Variants in SLC16A12 observed in about 807,000 individuals in gnomAD.
The protein encoded by SLC16A12 is monocarboxylate transporter 12.
SLC16A12 carries 17 observed loss-of-function variants against 42.4 expected under a neutral mutation model. The observed-to-expected ratio is 0.40, with a 90% CI of 0.27 to 0.60. The LOEUF is 0.60. Among genes scored for constraint, SLC16A12 ranks in the 20% least tolerant of loss-of-function variants. SLC16A12 has a pLI of 0.42. For synonymous variants in SLC16A12, 224 were observed against 229.4 expected (o/e 0.98, Z 0.21); for missense variants, 544 against 623.0 (o/e 0.87, Z 1.35).
chr10:89,460,431 G>T (rs1207036065), intron 3 of SLC16A12, among the ~76,000 whole-genome samples: 14 of 151,924 alleles, frequency 9.2e-5, no homozygotes, highest in African/African-American at 3.4e-4. Context: ...GTCTTCTTAA[G>T]AATCATACTT....
chr10:89,484,807 T>G (rs1842722288), intron 2 of SLC16A12, among the ~76,000 whole-genome samples: 1 of 152,196 alleles, frequency 6.6e-6, no homozygotes, highest in Non-Finnish European at 1.5e-5. Flanking sequence ...ACTAGGTACT[T>G]AATGGAGTAT....
intron 2 of SLC16A12, among the ~76,000 whole-genome samples, chr10:89,555,698 C>T (rs901245910): frequency 1.8e-4 from 22 of 124,600 alleles, no homozygotes; most frequent in East Asian, 7.1e-4. Flanking sequence ...CACATATATA[C>T]ATATATATAT....
chr10:89,439,287 C>A lies in SLC16A12; in HGVS notation c.449-104G>T, dbSNP rs1408679201. 3 of 1,210,362 alleles carry A rather than the reference C, an allele frequency of 2.5e-6. No homozygotes were observed. The South Asian group carries it at 4.2e-5, about 17-fold the overall frequency. 75.0% of individuals were successfully genotyped at this position (1,210,362 alleles called of 1,614,324 possible). ...AAAGAGAATCTGACCTCTCATTAAA[C>A]CCTTTTAAAGCTGCTTTTTACACCA... On this transcript the variant is annotated intron_variant, in intron 5 of 7. Transcript: ENST00000371790.
At chr10:89,456,253 G>A (rs991713630) in intron 3 of SLC16A12, 1 of 152,202 alleles carries the variant, frequency 6.6e-6, no homozygotes, top group Non-Finnish European at 1.5e-5. Flanking sequence ...CACAATGTAA[G>A]TGCTCAGTTA....
At chr10:89,457,171 A>G (rs998424913) in intron 3 of SLC16A12, among the ~76,000 whole-genome samples, 9 of 152,246 alleles carry the variant, frequency 5.9e-5, no homozygotes, top group African/African-American at 2.2e-4. Flanking sequence ...AAAAGAAACT[A>G]TCATCAGAGT....
chr10:89,466,936 C>T (rs138606742), intron 2 of SLC16A12, among the ~76,000 whole-genome samples: 2 of 152,220 alleles, frequency 1.3e-5, no homozygotes, highest in African/African-American at 2.4e-5. Flanking sequence ...ATGCCTAGCA[C>T]CCTCTCTTTC....
intron 2 of SLC16A12, among the ~76,000 whole-genome samples, chr10:89,491,656 A>C (rs79256002): frequency 0.012 from 1,787 of 152,286 alleles, 39 homozygotes; most frequent in African/African-American, 0.04. Flanking sequence ...ATTGACATTA[A>C]AACTAAATTC....
intron 2 of SLC16A12, among the ~76,000 whole-genome samples, chr10:89,516,999 G>A (rs1210490929): frequency 6.6e-6 from 1 of 152,186 alleles, no homozygotes; most frequent in Non-Finnish European, 1.5e-5. Context: ...GAGGCAGGAG[G>A]ATCGTTTGAG....
intron 2 of SLC16A12, among the ~76,000 whole-genome samples, chr10:89,554,954 C>G (rs944387163): frequency 6.6e-6 from 1 of 152,108 alleles, no homozygotes; most frequent in Admixed American, 6.5e-5. Context: ...TATTTTCCTA[C>G]CCCTGTCCTG....
intron 2 of SLC16A12, among the ~76,000 whole-genome samples, chr10:89,523,186 G>A (rs1413173333): frequency 6.6e-6 from 1 of 152,190 alleles, no homozygotes; most frequent in Non-Finnish European, 1.5e-5. Flanking sequence ...AAGGGAGAAT[G>A]TGAGGGAGAA....
upstream of SLC16A12, among the ~76,000 whole-genome samples, chr10:89,536,245 G>A (rs1294079909): frequency 6.6e-6 from 1 of 152,156 alleles, no homozygotes; most frequent in Non-Finnish European, 1.5e-5. Context: ...TCCTTTAGGT[G>A]TATCTGGCAG....
intron 2 of SLC16A12, among the ~76,000 whole-genome samples, chr10:89,466,388 T>C (rs762430012): frequency 1.3e-5 from 2 of 152,154 alleles, no homozygotes; most frequent in Non-Finnish European, 2.9e-5. Flanking sequence ...CACATCCTAG[T>C]GGGACAGGCA....
At chr10:89,536,605 T>C (rs72816757), upstream of SLC16A12, among the ~76,000 whole-genome samples, 1 of 151,960 alleles carries the variant, frequency 6.6e-6, no homozygotes, top group Non-Finnish European at 1.5e-5. Flanking sequence ...AGTCCTCTCC[T>C]TGTCAGAAGC....
chr10:89,533,631 A>G (rs1355075123), intron 2 of SLC16A12, among the ~76,000 whole-genome samples: 4 of 152,164 alleles, frequency 2.6e-5, no homozygotes, highest in Non-Finnish European at 4.4e-5. Context: ...AAAGACTCCA[A>G]GGAAAGATGG....
chr10:89,481,331 T>G (rs1185947667), intron 2 of SLC16A12, among the ~76,000 whole-genome samples: 2 of 152,198 alleles, frequency 1.3e-5, no homozygotes, highest in Admixed American at 1.3e-4. Flanking sequence ...TAGTGGCAAC[T>G]AAGTGTGTAC....
chr10:89,471,861 A>G (rs2133769089), intron 2 of SLC16A12, among the ~76,000 whole-genome samples: 1 of 152,302 alleles, frequency 6.6e-6, no homozygotes, highest in African/African-American at 2.4e-5. Context: ...TTTAATTTGT[A>G]CTTCCCCAAT....
intron 2 of SLC16A12, among the ~76,000 whole-genome samples, chr10:89,516,102 A>C (rs537867613): frequency 6.6e-6 from 1 of 152,268 alleles, no homozygotes; most frequent in Non-Finnish European, 1.5e-5. Flanking sequence ...ACAGGAACAC[A>C]CCGGTGTGTC....
intron 2 of SLC16A12, among the ~76,000 whole-genome samples, chr10:89,476,856 C>T (rs998065715): frequency 2.0e-5 from 3 of 152,234 alleles, no homozygotes; most frequent in Non-Finnish European, 4.4e-5. Flanking sequence ...CAGGAGGGCT[C>T]ACCTACAGGG....
At chr10:89,439,293 T>A in intron 5 of SLC16A12, 110 bp from the exon 6 acceptor site, 2 of 1,115,514 alleles carry the variant, frequency 1.8e-6, no homozygotes, top group Non-Finnish European at 2.6e-6. Flanking sequence ...TAAACCCTTT[T>A]AAAGCTGCTT....
Sources: allele counts gnomAD v4.1 joint callset (sites outside exome capture counted in the v4.1 genomes callset), GRCh38; gene constraint gnomAD v4.1.1; transcripts MANE v1.5; gene names NCBI Gene and HGNC (gene_info 2026-07-23, HGNC 2026-07-21).